ADAD1: variants seen among roughly 807,000 people sequenced by gnomAD.
ADAD1 encodes the protein adenosine deaminase domain containing 1, also known as adenosine deaminase domain-containing protein 1.
In ADAD1, 46 loss-of-function variants were observed where a neutral mutation model predicts 66.8. That is an observed-to-expected ratio of 0.69 (90% confidence interval 0.54 to 0.88). ADAD1 has a LOEUF of 0.88. ADAD1 is among the 40% of genes least tolerant of loss of function. The pLI, the probability that ADAD1 is intolerant of heterozygous loss-of-function variation, is 0.00. For missense variants in ADAD1, 617 were observed against 681.8 expected (o/e 0.91, Z 1.06); for synonymous variants, 248 against 229.4 (o/e 1.08, Z -0.73).
chr4:122,382,062 T>A (rs926599597), intron 4 of ADAD1, among the ~76,000 whole-genome samples: 1 of 152,220 alleles, frequency 6.6e-6, no homozygotes. Flanking sequence ...AGAAATAGTA[T>A]CTTAACATAG....
chr4:122,399,276 CTG>C (rs1795859538), intron 7 of ADAD1, among the ~76,000 whole-genome samples: 1 of 152,006 alleles, frequency 6.6e-6, no homozygotes, highest in Admixed American at 6.6e-5. Flanking sequence ...GGCCAGTTGA[CTG>C]TATTTTGTTT....
intron 11 of ADAD1, among the ~76,000 whole-genome samples, chr4:122,420,318 T>C (rs1048553634): frequency 6.6e-6 from 1 of 152,214 alleles, no homozygotes; most frequent in African/African-American, 2.4e-5. Flanking sequence ...TTTCTTGGGC[T>C]TTCCCACACA....
chr4:122,389,527 A>C (rs550147913), intron 5 of ADAD1, among the ~76,000 whole-genome samples: 130 of 152,274 alleles, frequency 8.5e-4, no homozygotes, highest in Middle Eastern at 3.4e-3. Context: ...TGTTTTATGA[A>C]TCTGGGTGCT....
intron 5 of ADAD1, among the ~76,000 whole-genome samples, chr4:122,393,222 T>C (rs978505298): frequency 2.6e-5 from 4 of 152,066 alleles, no homozygotes; most frequent in African/African-American, 9.7e-5. Context: ...AAATGATATA[T>C]TTTACTCATT....
At chr4:122,383,515 T>C (rs1055466923) in intron 4 of ADAD1, among the ~76,000 whole-genome samples, 3 of 152,212 alleles carry the variant, frequency 2.0e-5, no homozygotes, top group Non-Finnish European at 4.4e-5. Context: ...GGCATTATAC[T>C]AGACACTCAC....
At chr4:122,394,057 G>T (rs1178932777) in intron 6 of ADAD1, among the ~76,000 whole-genome samples, 2 of 152,048 alleles carry the variant, frequency 1.3e-5, no homozygotes, top group Non-Finnish European at 2.9e-5. Context: ...CGAGAAAGCT[G>T]CAACTTCAAT....
rs1796528192 is a variant in ADAD1, at chr4:122,412,838, C to T, written c.1249+29C>T. The T allele has an allele frequency of 1.9e-6, 3 of 1,560,014 alleles. No individual in the cohort carries two copies. The African/African-American group carries it at 4.1e-5, about 21-fold the overall frequency. On this transcript the variant is annotated intron_variant, in intron 10 of 12. Coordinates refer to ENST00000296513, the MANE Select transcript of ADAD1 (RefSeq NM_139243.4). ...AGTGGGATTTCAGAACCTCCTGGGC[C>T]TCTCACTCACTAAGCAAATTCTCTG... is the stretch of plus-strand genomic sequence containing the variant.
At chr4:122,418,306 C>CTTTTTTTTTTT (rs10527795) in intron 11 of ADAD1, among the ~76,000 whole-genome samples, 3 of 94,650 alleles carry the variant, frequency 3.2e-5, no homozygotes, top group Non-Finnish European at 4.5e-5. Flanking sequence ...ACGTTATTTT[C>CTTTTTTTTTTT]TTTTTTTTTT....
chr4:122,387,420 A>G (rs1412504710), intron 5 of ADAD1, among the ~76,000 whole-genome samples: 1 of 151,526 alleles, frequency 6.6e-6, no homozygotes, highest in Admixed American at 6.6e-5. Flanking sequence ...GTTGCTTATC[A>G]ATTCAGGAAG....
intron 3 of ADAD1, 104 bp downstream of exon 3, chr4:122,380,345 A>G: frequency 7.3e-7 from 1 of 1,371,880 alleles, no homozygotes. Context: ...GGTTGTATAG[A>G]CATTTACCCG....
At chr4:122,414,152 A>G (rs1182301508) in intron 10 of ADAD1, among the ~76,000 whole-genome samples, 6 of 150,090 alleles carry the variant, frequency 4.0e-5, no homozygotes, top group African/African-American at 1.5e-4. Context: ...TTTTTCTATT[A>G]TATTAGGTTT....
At chr4:122,396,913 A>G (rs981615796) in intron 7 of ADAD1, among the ~76,000 whole-genome samples, 4 of 152,186 alleles carry the variant, frequency 2.6e-5, no homozygotes, top group African/African-American at 9.7e-5. Flanking sequence ...GTAGATAAAT[A>G]TACTAGTCGA....
At chr4:122,402,121 ATT>A (rs1185048164) in intron 7 of ADAD1, among the ~76,000 whole-genome samples, 1 of 151,316 alleles carries the variant, frequency 6.6e-6, no homozygotes, top group African/African-American at 2.4e-5. Flanking sequence ...ATGAGCTTCT[ATT>A]TTGGTGTATT....
Position 122,411,268 on chromosome 4 carries a change from A to G in ADAD1, c.895A>G (p.Met299Val), listed in dbSNP as rs1303887253. Residue 299 changes from methionine (M) to valine (V), a missense_variant, in exon 9 of 13, where the codon ATG becomes GTG. Met to Val is a conservative substitution (Grantham distance 21). Coordinates refer to ENST00000296513, the MANE Select transcript of ADAD1 (RefSeq NM_139243.4). ...LLLFYSKNPA[M>V]MEKSIFCTEP... is the part of the protein sequence containing the mutation. ...GCTCTTCTACAGCAAAAATCCTGCT[A>G]TGATGGAAAAATCAATATTTTGTAC... is the stretch of plus-strand genomic sequence containing the variant. 6 of 1,611,340 alleles carry G rather than the reference A, an allele frequency of 3.7e-6. No individual in the cohort carries two copies. Among genetic ancestry groups the G allele is most frequent in the Middle Eastern group, 1.7e-4 (1 of 6,050 alleles).
intron 11 of ADAD1, 92 bp from the exon 12 acceptor site, chr4:122,421,169 A>G (rs1383044): frequency 0.064 from 64,447 of 1,004,606 alleles, 2,409 homozygotes; most frequent in Non-Finnish European, 0.073. Context: ...ATCAAGAAAT[A>G]TTTTGTAGAT....
chr4:122,412,524 A>T, intron 9 of ADAD1, 56 bp from the exon 10 acceptor site: 1 of 1,458,242 alleles, frequency 6.9e-7, no homozygotes. Flanking sequence ...GTACAGGTAG[A>T]TTTTGTTCTG....
chr4:122,388,994 T>C (rs749596998), intron 5 of ADAD1, among the ~76,000 whole-genome samples: 1 of 152,214 alleles, frequency 6.6e-6, no homozygotes, highest in Non-Finnish European at 1.5e-5. Context: ...CTTTCTGATG[T>C]GGGCATTTAG....
At chr4:122,403,095 G>A (rs1383979232) in intron 7 of ADAD1, among the ~76,000 whole-genome samples, 4 of 152,036 alleles carry the variant, frequency 2.6e-5, no homozygotes, top group African/African-American at 9.7e-5. Context: ...TTACTTTTCT[G>A]GTTCCTTCTC....
intron 7 of ADAD1, among the ~76,000 whole-genome samples, chr4:122,399,740 CTTT>C (rs145100591): frequency 7.2e-5 from 8 of 110,528 alleles, no homozygotes; most frequent in Non-Finnish European, 1.3e-4. Context: ...ATTTTCTTTT[CTTT>C]TTTTTTTTTT....
Sources: gnomAD v4.1 joint callset for allele counts (sites outside exome capture counted in the v4.1 genomes callset) on GRCh38, gnomAD v4.1.1 for gene constraint, MANE v1.5 for transcripts, NCBI Gene and HGNC (gene_info 2026-07-23, HGNC 2026-07-21) for gene names.